The following ESR1 variants were observed in gnomAD, a reference collection of about 807,000 sequenced individuals.
ESR1 encodes the protein estrogen receptor.
ESR1 carries 12 observed loss-of-function variants against 52.7 expected under a neutral mutation model. The observed-to-expected ratio is 0.23, with a 90% CI of 0.15 to 0.37. The LOEUF (loss-of-function observed/expected upper bound fraction) is 0.37, where lower values mean the gene tolerates loss of function less well. Among genes scored for constraint, ESR1 ranks in the 10% least tolerant of loss-of-function variants. The probability of loss-of-function intolerance (pLI) is 1.00; values close to 1 mark genes in which losing one functional copy is unlikely to be tolerated. For synonymous variants in ESR1, 305 were observed against 316.8 expected (o/e 0.96, Z 0.39); for missense variants, 584 against 779.7 (o/e 0.75, Z 2.99).
intron 2 of ESR1, among the ~76,000 whole-genome samples, chr6:151,862,242 G>A (rs934991309): frequency 2.6e-5 from 4 of 152,130 alleles, no homozygotes; most frequent in Non-Finnish European, 5.9e-5. Context: ...TGACTAGTAC[G>A]ACTGCAAAGC....
intron 6 of ESR1, among the ~76,000 whole-genome samples, chr6:152,124,295 C>T (rs979482996): frequency 6.8e-6 from 1 of 147,142 alleles, no homozygotes; most frequent in Non-Finnish European, 1.5e-5. Flanking sequence ...GGCAACAGAG[C>T]GAGACTCTAT....
intron 1 of ESR1, among the ~76,000 whole-genome samples, chr6:151,830,107 T>C (rs1427172316): frequency 6.6e-6 from 1 of 152,202 alleles, no homozygotes; most frequent in African/African-American, 2.4e-5. Context: ...CAGGGGCCAA[T>C]GTGTAAGCAG....
At chr6:151,700,192 T>G (rs942805691) in intron 1 of ESR1, among the ~76,000 whole-genome samples, 1 of 152,234 alleles carries the variant, frequency 6.6e-6, no homozygotes, top group Non-Finnish European at 1.5e-5. Flanking sequence ...GAGATTGCAT[T>G]TCATTACTTT....
chr6:151,899,544 T>G (rs1796277296), intron 3 of ESR1, among the ~76,000 whole-genome samples: 1 of 141,432 alleles, frequency 7.1e-6, no homozygotes, highest in African/African-American at 2.7e-5. Flanking sequence ...CCCACCTCCC[T>G]CCCGGACGGG....
rs367580915 is a variant in ESR1, at chr6:151,694,347, A to G, written c.-202+3683A>G. ...GTTAAGCATCTGGGGTTGATGGGAG[A>G]TAACATTACACCCTCTCTTAGCCTC... On this transcript the variant is annotated intron_variant, in intron 1 of 2. Coordinates refer to the ESR1 transcript ENST00000404742. Among the ~76,000 whole-genome samples, 22 of 152,344 alleles carry G rather than the reference A, an allele frequency of 1.4e-4. No individual in the cohort carries two copies. The East Asian group carries it at 4.1e-3, about 28-fold the overall frequency.
In ESR1 at chr6:151,722,274, G is replaced by T. The variant is rs1382160924; in HGVS notation, c.-71+20269G>T. Among the ~76,000 whole-genome samples, 5 of 152,338 alleles carry T rather than the reference G, an allele frequency of 3.3e-5. No individual in the cohort carries two copies. In the East Asian group the frequency reaches 9.6e-4, roughly 29 times the overall value. On this transcript the variant is annotated intron_variant, in intron 2 of 2. Transcript: ENST00000404742. ...GTGGAACATACCTGCCTGCTCAGAA[G>T]CTTTGGCTTCTCTCTGTAGGTGAGA...
At chr6:151,778,286 GGAT>G (rs1786204467) in intron 2 of ESR1, among the ~76,000 whole-genome samples, 1 of 150,354 alleles carries the variant, frequency 6.7e-6, no homozygotes, top group Non-Finnish European at 1.5e-5. Context: ...TTTCTGTTTG[GGAT>G]GATGAAGAAT....
intron 3 of ESR1, among the ~76,000 whole-genome samples, chr6:151,900,383 C>G (rs945605204): frequency 1.3e-5 from 2 of 152,144 alleles, no homozygotes; most frequent in Non-Finnish European, 2.9e-5. Context: ...TTGGACTTCA[C>G]CTTTCTCTGG....
At chr6:151,695,134 G>C (rs1305817069) in intron 1 of ESR1, among the ~76,000 whole-genome samples, 2 of 152,196 alleles carry the variant, frequency 1.3e-5, no homozygotes, top group Admixed American at 6.5e-5. Context: ...GTAGCTAGGA[G>C]CTTCCCTAGC....
chr6:151,665,785 C>G (rs1215919836), intron 1 of ESR1, among the ~76,000 whole-genome samples: 1 of 152,152 alleles, frequency 6.6e-6, no homozygotes, highest in Non-Finnish European at 1.5e-5. Context: ...GTTTTATTTT[C>G]AACTATATTT....
At chr6:151,924,124 A>G (rs1375086690) in intron 3 of ESR1, among the ~76,000 whole-genome samples, 4 of 152,002 alleles carry the variant, frequency 2.6e-5, no homozygotes, top group Admixed American at 2.6e-4. Context: ...GCTCATTGCA[A>G]CCTCTGCCTC....
chr6:152,075,584 A>G (rs2048678030), intron 6 of ESR1, among the ~76,000 whole-genome samples: 1 of 152,214 alleles, frequency 6.6e-6, no homozygotes, highest in African/African-American at 2.4e-5. Context: ...TATCTTTTTA[A>G]AAATAATCAG....
At chr6:151,705,787 G>A (rs373251492) in intron 2 of ESR1, among the ~76,000 whole-genome samples, 1 of 152,192 alleles carries the variant, frequency 6.6e-6, no homozygotes, top group East Asian at 1.9e-4. Flanking sequence ...TTTATGTCAG[G>A]TGGCAAGAGG....
At chr6:151,788,287 G>A (rs1288146433) in intron 2 of ESR1, among the ~76,000 whole-genome samples, 1 of 152,044 alleles carries the variant, frequency 6.6e-6, no homozygotes, top group African/African-American at 2.4e-5. Flanking sequence ...TAAAAAGCAG[G>A]CAAAGGGCAT....
At chr6:151,681,582 G>T (rs957953619) in intron 1 of ESR1, among the ~76,000 whole-genome samples, 6 of 151,902 alleles carry the variant, frequency 3.9e-5, no homozygotes, top group East Asian at 1.9e-4. Context: ...CCAGGAAAAA[G>T]AAAAAATAAA....
At chr6:151,959,058 A>G (rs1042933524) in intron 4 of ESR1, among the ~76,000 whole-genome samples, 3 of 151,692 alleles carry the variant, frequency 2.0e-5, no homozygotes, top group Admixed American at 6.6e-5. Context: ...CAACAAGGAG[A>G]ACAGAGTGGG....
chr6:151,819,314 A>C (rs891963214), intron 1 of ESR1, among the ~76,000 whole-genome samples: 1 of 152,128 alleles, frequency 6.6e-6, no homozygotes, highest in Admixed American at 6.5e-5. Context: ...AGATTTTATT[A>C]ATGTATAGAG....
At chr6:151,951,116 A>G (rs2036277705) in intron 4 of ESR1, among the ~76,000 whole-genome samples, 1 of 152,124 alleles carries the variant, frequency 6.6e-6, no homozygotes, top group Non-Finnish European at 1.5e-5. Context: ...TCTACCTCAT[A>G]AATACCTTGT....
At chr6:152,106,268 A>G (rs553171696), downstream of ESR1, among the ~76,000 whole-genome samples, 10 of 152,300 alleles carry the variant, frequency 6.6e-5, no homozygotes, top group South Asian at 1.7e-3. Flanking sequence ...ACTACTTTCT[A>G]TCTTTTTAAA....
Sources: allele counts gnomAD v4.1 joint callset (sites outside exome capture counted in the v4.1 genomes callset), GRCh38; gene constraint gnomAD v4.1.1; transcripts MANE v1.5; gene names NCBI Gene and HGNC (gene_info 2026-07-23, HGNC 2026-07-21).